CHD2: variants seen among roughly 807,000 people sequenced by gnomAD.
The protein encoded by CHD2 is ATP-dependent chromatin remodeler CHD2.
Under a neutral mutation model 243.9 loss-of-function variants are expected in CHD2, and 28 were observed. That is an observed-to-expected ratio of 0.11 (90% CI 0.09 to 0.16). The LOEUF (loss-of-function observed/expected upper bound fraction) is 0.16, where lower values mean the gene tolerates loss of function less well. Among genes scored for constraint, CHD2 ranks in the 10% least tolerant of loss-of-function variants. The probability of loss-of-function intolerance (pLI) is 1.00; values close to 1 mark genes in which losing one functional copy is unlikely to be tolerated. For synonymous variants in CHD2, 775 were observed against 779.0 expected, an observed-to-expected ratio of 0.99 and a Z score of 0.09; for missense variants, 1,386 against 2,209.8, an observed-to-expected ratio of 0.63 and a Z score of 7.47.
chr15:92,995,050 T>G (rs1217516160), intron 28 of CHD2, among the ~76,000 whole-genome samples: 2 of 152,210 alleles, frequency 1.3e-5, no homozygotes, highest in African/African-American at 4.8e-5. Flanking sequence ...ATCCCAAACA[T>G]ATGTTTCCAA....
At chr15:92,991,747 T>G in intron 27 of CHD2, 1 of 404,644 alleles carries the variant, frequency 2.5e-6, no homozygotes. Context: ...TTCACCTTCG[T>G]GAGGGAGATA....
intron 17 of CHD2, 48 bp downstream of exon 17, chr15:92,967,561 T>C: frequency 7.0e-7 from 1 of 1,434,630 alleles, no homozygotes; most frequent in Non-Finnish European, 9.6e-7. Flanking sequence ...ATCAGTACCA[T>C]GAAACTATTA....
At position 92,944,497 on chromosome 15, in the gene CHD2, A is replaced by T; in HGVS notation, c.1135A>T (p.Ile379Leu). The T allele has an allele frequency of 6.3e-7, 1 of 1,594,442 alleles. No individual in the cohort carries two copies. Among genetic ancestry groups the T allele is most frequent in the Non-Finnish European group, 8.6e-7 (1 of 1,163,518 alleles). Residue 379 changes from isoleucine (I) to leucine (L), a missense_variant, in exon 10 of 39, where the codon ATA becomes TTA. Physicochemically the swap from Ile to Leu is conservative, Grantham distance 5. This residue lies in a region of CHD2 where 200 missense variants were observed against 292.5 expected (regional missense o/e 0.68). Coordinates refer to ENST00000394196, the MANE Select transcript of CHD2 (RefSeq NM_001271.4). ...LASELNKQYQ[I>L]VERVIAVKTS... ...TTCAGAGTTGAATAAACAGTATCAG[A>T]TAGTAGAAAGAGTAATAGGTAAGTA...
intron 6 of CHD2, among the ~76,000 whole-genome samples, chr15:92,938,392 A>G (rs1260657597): frequency 6.6e-6 from 1 of 152,184 alleles, no homozygotes; most frequent in African/African-American, 2.4e-5. Flanking sequence ...ATTTGTGAAA[A>G]TTTATTTTCT....
At chr15:92,954,156 T>A (rs899694358) in intron 14 of CHD2, 11 of 153,174 alleles carry the variant, frequency 7.2e-5, no homozygotes, top group African/African-American at 2.4e-4. Context: ...TAACTTTTTT[T>A]AAAGCACCTA....
chr15:93,008,919 C>G (rs187199786), intron 34 of CHD2, among the ~76,000 whole-genome samples: 1 of 152,118 alleles, frequency 6.6e-6, no homozygotes, highest in African/African-American at 2.4e-5. Flanking sequence ...TTAAGTAAGG[C>G]GTGAAGGGTT....
rs2053388851 is a variant in CHD2 at position 92,941,974 on chromosome 15, C to T, written c.826+19C>T. The T allele has an allele frequency of 6.2e-7, 1 of 1,602,932 alleles. No individual in the cohort carries two copies. The highest frequency in any genetic ancestry group is 8.5e-7 in the Non-Finnish European group (1 of 1,175,222). ...AAAGGAGGTATGTGTATTTGGGGAG[C>T]AAATTACATTTTATGTATGCTTAGT... On this transcript the variant is annotated intron_variant, in intron 8 of 38. Transcript: ENST00000394196.
At chr15:92,988,147 A>G (rs1240319924) in intron 26 of CHD2, among the ~76,000 whole-genome samples, 7 of 151,746 alleles carry the variant, frequency 4.6e-5, no homozygotes, top group Admixed American at 2.0e-4. Context: ...CAGTGGTGCA[A>G]TCTCGGCCCA....
At chr15:92,915,284 T>C (rs1004163984) in intron 2 of CHD2, among the ~76,000 whole-genome samples, 3 of 152,118 alleles carry the variant, frequency 2.0e-5, no homozygotes, top group African/African-American at 7.2e-5. Context: ...TTAAAGTTTT[T>C]TTTTTTTTGA....
chr15:93,009,177 A>G lies in CHD2; in HGVS notation c.4446A>G (p.Ala1482=). 6.2e-7 allele frequency: 1 copy of G among 1,614,206 alleles called. No individual in the cohort carries two copies. Among genetic ancestry groups the G allele is most frequent in the Middle Eastern group, 1.6e-4 (1 of 6,062 alleles). ...CKERMRPVKK[A]LKQLDKPDKG... is the part of the protein sequence containing the mutation. ...AGAGGATGAGGCCCGTGAAAAAGGC[A>G]CTGAAACAGCTCGACAAACCTGACA... is the stretch of plus-strand genomic sequence containing the variant. The change falls in exon 35 of 39, where the codon GCA becomes GCG. Residue 1482 remains alanine (A), a synonymous_variant. Coordinates refer to ENST00000394196, the MANE Select transcript of CHD2 (RefSeq NM_001271.4).
In CHD2 at chr15:93,009,135, C is replaced by G; in HGVS notation, c.4414-10C>G. 6.2e-7 allele frequency: 1 copy of G among 1,613,536 alleles called. No individual in the cohort carries two copies. Among genetic ancestry groups the G allele is most frequent in the Non-Finnish European group, 8.5e-7 (1 of 1,179,646 alleles). ...ATTGTTTATGTCTTTACTCTGTTGT[C>G]CTGTTGCAGTGTAAGGAGAGGATGA... On this transcript the variant is annotated splice_polypyrimidine_tract_variant and intron_variant, in intron 34 of 38. Transcript: ENST00000394196.
At chr15:92,924,613 T>C in intron 3 of CHD2, 61 bp downstream of exon 3, 1 of 1,446,066 alleles carries the variant, frequency 6.9e-7, no homozygotes, top group Non-Finnish European at 9.7e-7. Flanking sequence ...AGCAGACCTT[T>C]GTTGTTCATG....
intron 6 of CHD2, among the ~76,000 whole-genome samples, chr15:92,938,137 G>A (rs2053296366): frequency 6.6e-6 from 1 of 152,182 alleles, no homozygotes; most frequent in Non-Finnish European, 1.5e-5. Flanking sequence ...GTATTGCTTA[G>A]AATGGACTCA....
At chr15:92,918,677 T>C (rs747433318) in intron 2 of CHD2, among the ~76,000 whole-genome samples, 2 of 152,094 alleles carry the variant, frequency 1.3e-5, no homozygotes, top group East Asian at 1.9e-4. Flanking sequence ...TTAGTACTAA[T>C]AGTATTTACT....
intron 15 of CHD2, 134 bp from the exon 16 acceptor site, chr15:92,956,325 T>C (rs553823689): frequency 2.3e-5 from 15 of 655,676 alleles, no homozygotes; most frequent in East Asian, 8.4e-5. Context: ...AGGCCTAATA[T>C]ATATTGTCAG....
intron 5 of CHD2, among the ~76,000 whole-genome samples, chr15:92,933,043 CT>C (rs1304321464): frequency 2.5e-4 from 4 of 16,044 alleles, no homozygotes; most frequent in African/African-American, 5.1e-4. Flanking sequence ...CGCCCGGCCC[CT>C]TTTTTTTTTT....
In CHD2 at chr15:93,020,235, G is replaced by A. The variant is rs778810609; in HGVS notation, c.5130G>A (p.Arg1710=). The A allele has an allele frequency of 9.9e-6, 16 of 1,613,966 alleles. No homozygotes were observed. Among genetic ancestry groups the A allele is most frequent in the African/African-American group, 1.3e-5 (1 of 74,880 alleles). ...AGTACAGCAGTGACCGAGACCACCG[G>A]GGACACAGAGATTATTATGACAGGT... is the stretch of plus-strand genomic sequence containing the variant. ...YDQYSSDRDH[R]GHRDYYDRHH... Residue 1710 remains arginine (R), a synonymous_variant, in exon 38 of 39, where the codon CGG becomes CGA. Coordinates refer to ENST00000394196, the MANE Select transcript of CHD2 (RefSeq NM_001271.4).
chr15:93,002,802 G>A (rs2141874277), intron 33 of CHD2, among the ~76,000 whole-genome samples: 1 of 152,274 alleles, frequency 6.6e-6, no homozygotes, highest in Middle Eastern at 3.4e-3. Flanking sequence ...AAAGAATTTG[G>A]TACAGTGTTG....
rs960178136 is a variant in CHD2 at position 92,929,018 on chromosome 15, C to T, written c.382-12C>T. 6.2e-7 allele frequency: 1 copy of T among 1,610,140 alleles called. No individual in the cohort carries two copies. The highest frequency in any genetic ancestry group is 8.5e-7 in the Non-Finnish European group (1 of 1,177,828). On this transcript the variant is annotated splice_polypyrimidine_tract_variant and intron_variant, in intron 4 of 38. Coordinates refer to ENST00000394196, the MANE Select transcript of CHD2 (RefSeq NM_001271.4). Reference sequence around the variant, plus strand: ...AAGTCTGTAATCATTTTTCCCCCCTCACACACTGAAGGCAAGTAGCGGGTC... The same window carrying T: ...AAGTCTGTAATCATTTTTCCCCCCTTACACACTGAAGGCAAGTAGCGGGTC...
Sources: gnomAD v4.1 joint callset for allele counts (sites outside exome capture counted in the v4.1 genomes callset) on GRCh38, gnomAD v4.1.1 for gene constraint, gnomAD v4.1.1 regional missense constraint, MANE v1.5 for transcripts, NCBI Gene and HGNC (gene_info 2026-07-23, HGNC 2026-07-21) for gene names.